The following TTC21B variants were observed in gnomAD, a reference collection of about 807,000 sequenced individuals.
TTC21B encodes the protein tetratricopeptide repeat protein 21B.
Under a neutral mutation model 175.1 loss-of-function variants are expected in TTC21B, and 127 were observed. The ratio of observed to expected loss-of-function variants is 0.73; its 90% CI spans 0.63 to 0.84. TTC21B has a LOEUF of 0.84. Ranked by LOEUF, TTC21B falls within the 40% of genes least tolerant of loss-of-function variation. TTC21B has a pLI of 0.00. For missense variants in TTC21B, 1,561 were observed against 1,558.3 expected (o/e 1.00, Z -0.03); for synonymous variants, 524 against 524.5 (o/e 1.00, Z 0.01).
At position 165,874,842 on chromosome 2, in the gene TTC21B, A is replaced by G. The variant is rs966849809; in HGVS notation, c.3874-10T>C. The G allele has an allele frequency of 1.2e-6, 2 of 1,612,852 alleles. No individual in the cohort carries two copies. The highest frequency in any genetic ancestry group is 2.7e-5 in the African/African-American group (2 of 74,908). On this transcript the variant is annotated splice_polypyrimidine_tract_variant and intron_variant, in intron 28 of 28. Transcript: ENST00000243344. ...GATGTGCTTCAAGAACCTGCAAAACAAATAAAGAACCCATAAAAACTTGTA... is the reference window on the plus strand; with the variant it reads ...GATGTGCTTCAAGAACCTGCAAAACGAATAAAGAACCCATAAAAACTTGTA...
intron 19 of TTC21B, among the ~76,000 whole-genome samples, chr2:165,902,144 C>T (rs1366129945): frequency 1.3e-5 from 2 of 152,084 alleles, no homozygotes; most frequent in Non-Finnish European, 2.9e-5. Flanking sequence ...AGTCTTTTCC[C>T]ACTGTTACAA....
chr2:165,910,350 CT>C lies in TTC21B; in HGVS notation c.2461+976del, dbSNP rs540825877. On this transcript the variant is annotated intron_variant, in intron 18 of 28. Coordinates refer to ENST00000243344, the MANE Select transcript of TTC21B (RefSeq NM_024753.5). ...CCCGGGCAGCAGAGCTTGCAGTGAG[CT>C]GAGATCGTGCCATTGCACTCCAGCC... Among the ~76,000 whole-genome samples, 29 of 151,986 alleles carry C rather than the reference CT, an allele frequency of 1.9e-4. 1 individual carries two copies. In the East Asian group the frequency reaches 5.4e-3, roughly 28 times the overall value.
In TTC21B at chr2:165,929,223, A is replaced by G. The variant is rs762336416; in HGVS notation, c.1298T>C (p.Leu433Ser). The G allele has an allele frequency of 6.2e-7, 1 of 1,613,106 alleles. No homozygotes were observed. Among genetic ancestry groups the G allele is most frequent in the South Asian group, 1.1e-5 (1 of 91,056 alleles). The change falls in exon 11 of 29, where the codon TTG becomes TCG. Residue 433 changes from leucine to serine, a missense_variant. Leu to Ser is a moderately radical substitution (Grantham distance 145). Transcript: ENST00000243344. The part of the protein sequence containing the change: ...LDTHFSQLEG[L>S]PLGIQYFEKL... ...TTCAAAATACTGTATGCCAAGAGGC[A>G]AACCTTCTAATTGTGAAAAGTGAGT...
At chr2:165,881,691 T>C (rs559314664) in intron 26 of TTC21B, among the ~76,000 whole-genome samples, 1 of 152,246 alleles carries the variant, frequency 6.6e-6, no homozygotes, top group Admixed American at 6.5e-5. Context: ...GTGAATCTAC[T>C]TCAAACATCA....
Position 165,924,644 on chromosome 2 carries a change from A to C in TTC21B, c.1421T>G (p.Leu474Arg). 1.9e-6 allele frequency: 3 copies of C among 1,613,772 alleles called. No homozygotes were observed. In the South Asian group the frequency reaches 3.3e-5, roughly 18 times the overall value. Reference sequence around the variant, plus strand: ...CTCCAGGACTGAGATGCAACGCCTGAGAAGTGGACAAAGAGGTTGCCCAGG... The same window carrying C: ...CTCCAGGACTGAGATGCAACGCCTGCGAAGTGGACAAAGAGGTTGCCCAGG... Reference protein sequence around the residue: ...ASPGQPLCPLLRRCISVLETV... With the variant: ...ASPGQPLCPLRRRCISVLETV... The change falls in exon 12 of 29, where the codon CTC becomes CGC. Residue 474 changes from leucine to arginine, a missense_variant. Leu to Arg is a moderately radical substitution (Grantham distance 102). Coordinates refer to ENST00000243344, the MANE Select transcript of TTC21B (RefSeq NM_024753.5).
At chr2:165,931,090 T>C (rs1004423812) in intron 8 of TTC21B, among the ~76,000 whole-genome samples, 1 of 152,138 alleles carries the variant, frequency 6.6e-6, no homozygotes, top group Non-Finnish European at 1.5e-5. Flanking sequence ...CGTTATAGCA[T>C]GGAGTTTTCT....
intron 20 of TTC21B, among the ~76,000 whole-genome samples, chr2:165,900,904 C>CTT (rs34392684): frequency 2.9e-5 from 4 of 135,710 alleles, no homozygotes; most frequent in African/African-American, 8.1e-5. Context: ...TTTTTCTTTT[C>CTT]TTTTTTTTTT....
Position 165,917,412 on chromosome 2 carries a change from C to A in TTC21B, c.1744G>T (p.Ala582Ser), listed in dbSNP as rs755056642. The change falls in exon 14 of 29, where the codon GCA (alanine) becomes TCA (serine). Residue 582 changes from alanine to serine, a missense_variant. Transcript: ENST00000243344. ...ATTGCCATATGCAGTGTTTTAATTG[C>A]GTCTGCTATTTCTCCCATTTTCTTT... ...SQKKMGEIAD[A>S]IKTLHMAMSL... The A allele has an allele frequency of 9.3e-6, 15 of 1,613,962 alleles. No individual in the cohort carries two copies. The highest frequency in any genetic ancestry group is 1.3e-5 in the Non-Finnish European group (15 of 1,180,024).
intron 27 of TTC21B, among the ~76,000 whole-genome samples, chr2:165,878,901 C>G (rs941117458): frequency 5.9e-5 from 9 of 152,136 alleles, no homozygotes; most frequent in Non-Finnish European, 4.4e-5. Context: ...AGGCTAGTTT[C>G]GAACTCCTGA....
In TTC21B at chr2:165,911,462, T is replaced by G. The variant is rs1185370524; in HGVS notation, c.2326A>C (p.Ile776Leu). ...LIKTHNYSMA[I>L]TYYEAALKTG... ...TTCAGAGCAGCTTCATAGTAAGTGA[T>G]TGCCTAAACAAAATTCATTCCATTT... The change falls in exon 18 of 29, where the codon ATC becomes CTC. Residue 776 changes from isoleucine to leucine, a missense_variant. Transcript: ENST00000243344. 9.3e-6 allele frequency: 15 copies of G among 1,613,592 alleles called. No individual in the cohort carries two copies. The highest frequency in any genetic ancestry group is 1.3e-5 in the Non-Finnish European group (15 of 1,179,856).
At chr2:165,885,294 C>G (rs1684968569) in intron 25 of TTC21B, among the ~76,000 whole-genome samples, 2 of 152,076 alleles carry the variant, frequency 1.3e-5, no homozygotes, top group Non-Finnish European at 2.9e-5. Context: ...GTTCAATGTC[C>G]AACTGATCTT....
intron 9 of TTC21B, 48 bp from the exon 10 acceptor site, chr2:165,929,795 G>C: frequency 2.4e-6 from 3 of 1,224,908 alleles, no homozygotes; most frequent in Non-Finnish European, 2.4e-6. Context: ...CCAATTCAGG[G>C]ATGCACTCTT....
At chr2:165,890,324 A>G (rs1685143771) in intron 24 of TTC21B, among the ~76,000 whole-genome samples, 155 bp downstream of exon 24, 1 of 152,212 alleles carries the variant, frequency 6.6e-6, no homozygotes, top group African/African-American at 2.4e-5. Context: ...TAAAATAACT[A>G]TTCTCTGAAA....
chr2:165,882,014 T>G (rs549729152), intron 26 of TTC21B, among the ~76,000 whole-genome samples: 14 of 152,142 alleles, frequency 9.2e-5, no homozygotes, highest in African/African-American at 1.7e-4. Flanking sequence ...TGATTCAGGC[T>G]CCAATAAAGC....
At chr2:165,923,616 T>TAG (rs1553512896) in intron 12 of TTC21B, among the ~76,000 whole-genome samples, 1 of 151,616 alleles carries the variant, frequency 6.6e-6, no homozygotes, top group African/African-American at 2.4e-5. Flanking sequence ...GGCTAATTTC[T>TAG]TGTTTTTAGT....
In TTC21B at chr2:165,890,963, C is replaced by T; in HGVS notation, c.2976G>A (p.Leu992=). Residue 992 remains leucine (L), a synonymous_variant, in exon 23 of 29, where the codon TTG becomes TTA. Coordinates refer to ENST00000243344, the MANE Select transcript of TTC21B (RefSeq NM_024753.5). The part of the protein sequence containing the change: ...KPDNYMTLSR[L]IDLLRRCGKL... ...TTCCACATCTTCTTAGGAGATCAAT[C>T]AAACGAGATAATGTCATATAATTAT... is the stretch of plus-strand genomic sequence containing the variant. 6.2e-7 allele frequency: 1 copy of T among 1,612,824 alleles called. No homozygotes were observed. The highest frequency in any genetic ancestry group is 8.5e-7 in the Non-Finnish European group (1 of 1,179,066).
intron 19 of TTC21B, among the ~76,000 whole-genome samples, chr2:165,902,731 T>C (rs1318112120): frequency 1.3e-5 from 2 of 152,242 alleles, no homozygotes; most frequent in Middle Eastern, 3.2e-3. Context: ...TGTTTTTGCA[T>C]AGCTATACAC....
intron 26 of TTC21B, among the ~76,000 whole-genome samples, chr2:165,881,458 C>T (rs4667852): frequency 1 from 151,944 of 152,268 alleles, 75,811 homozygotes; most frequent in Middle Eastern, 1. Flanking sequence ...TCTCTTGATC[C>T]AGAGGTTTCC....
At chr2:165,914,684 T>TGTGTGTGTGTGTGTGCGCGCGCGC (rs1559056051) in intron 15 of TTC21B, among the ~76,000 whole-genome samples, 2 of 150,992 alleles carry the variant, frequency 1.3e-5, no homozygotes, top group African/African-American at 4.9e-5. Context: ...TGTGTGTGTG[T>TGTGTGTGTGTGTGTGCGCGCGCGC]GTGTGTGTGT....
Sources: allele counts gnomAD v4.1 joint callset (sites outside exome capture counted in the v4.1 genomes callset), GRCh38; gene constraint gnomAD v4.1.1; transcripts MANE v1.5; gene names NCBI Gene and HGNC (gene_info 2026-07-23, HGNC 2026-07-21).